The following INTS6 variants were observed in gnomAD, a reference collection of about 807,000 sequenced individuals.
The protein encoded by INTS6 is DEAD box protein.
In INTS6, 16 loss-of-function variants were observed where a neutral mutation model predicts 104.9. The observed-to-expected ratio is 0.15, with a 90% confidence interval of 0.10 to 0.23. The LOEUF (loss-of-function observed/expected upper bound fraction) is 0.23, where lower values mean the gene tolerates loss of function less well. Ranked by LOEUF, INTS6 falls within the 10% of genes least tolerant of loss-of-function variation. The pLI, the probability that INTS6 is intolerant of heterozygous loss-of-function variation, is 1.00. For missense variants in INTS6, 584 were observed against 1,062.8 expected (o/e 0.55, Z 6.26); for synonymous variants, 324 against 358.7 (o/e 0.90, Z 1.09).
At chr13:51,426,786 A>G (rs1956992741) in intron 4 of INTS6, among the ~76,000 whole-genome samples, 1 of 152,130 alleles carries the variant, frequency 6.6e-6, no homozygotes, top group Non-Finnish European at 1.5e-5. Flanking sequence ...GTAGACAAAT[A>G]AGAAATCAGA....
chr13:51,344,565 C>A, the INTS6 span: 2 of 1,168,724 alleles, frequency 1.7e-6, no homozygotes, highest in Non-Finnish European at 2.5e-6. Flanking sequence ...TTGTCAGAGG[C>A]CATGGTGCTC....
At chr13:51,448,882 G>A (rs539769397) in intron 3 of INTS6, 1 of 152,224 alleles carries the variant, frequency 6.6e-6, no homozygotes, top group East Asian at 1.9e-4. Context: ...AGACATTGAA[G>A]TTACAAAATA....
At chr13:51,348,760 G>A in the INTS6 span, 1 of 247,874 alleles carries the variant, frequency 4.0e-6, no homozygotes, top group Admixed American at 5.1e-5. Context: ...TTCCCTTGTA[G>A]GAACGTTGCC....
intron 15 of INTS6, among the ~76,000 whole-genome samples, chr13:51,373,581 T>A (rs978758031): frequency 5.3e-5 from 8 of 152,234 alleles, no homozygotes; most frequent in East Asian, 3.8e-4. Context: ...TGGAATTTTT[T>A]AAATTCCCTT....
chr13:51,418,396 C>A, intron 4 of INTS6, among the ~76,000 whole-genome samples: 1 of 151,790 alleles, frequency 6.6e-6, no homozygotes. Context: ...AGTAAATTTC[C>A]CTTAGGCTAT....
rs367919645 is a variant in INTS6 at position 51,431,618 on chromosome 13, T to C, written c.340-1235A>G. On this transcript the variant is annotated intron_variant, in intron 3 of 17. Coordinates refer to ENST00000311234, the MANE Select transcript of INTS6 (RefSeq NM_012141.3). ...TTGAATGAATTCACAGTTAGTTATA[T>C]GATTATAACCTAATCATCGTAAAGT... is the stretch of plus-strand genomic sequence containing the variant. Among the ~76,000 whole-genome samples the C allele has an allele frequency of 6.6e-5, 10 of 152,310 alleles. No individual in the cohort carries two copies. In the East Asian group the frequency reaches 1.5e-3, roughly 24 times the overall value.
the INTS6 span, among the ~76,000 whole-genome samples, chr13:51,336,988 C>T: frequency 1.3e-5 from 2 of 152,230 alleles, no homozygotes; most frequent in Non-Finnish European, 2.9e-5. Flanking sequence ...CCTGGAAGGA[C>T]AGGTGGAGGC....
chr13:51,378,650 C>T (rs1445478362), intron 11 of INTS6, among the ~76,000 whole-genome samples, 196 bp from the exon 12 acceptor site: 1 of 151,964 alleles, frequency 6.6e-6, no homozygotes, highest in African/African-American at 2.4e-5. Flanking sequence ...GATTTTAAAT[C>T]ATTACAACTC....
intron 4 of INTS6, among the ~76,000 whole-genome samples, chr13:51,403,690 T>C (rs1020584222): frequency 6.6e-6 from 1 of 151,814 alleles, no homozygotes; most frequent in Non-Finnish European, 1.5e-5. Flanking sequence ...ATTCAAATTA[T>C]ATGTATTCTC....
downstream of INTS6, among the ~76,000 whole-genome samples, chr13:51,360,256 T>C (rs576221384): frequency 1.2e-4 from 19 of 152,142 alleles, no homozygotes; most frequent in Admixed American, 1.2e-3. Context: ...ATGCCACAGA[T>C]ACCTCCCAGT....
intron 7 of INTS6, among the ~76,000 whole-genome samples, chr13:51,387,112 GA>G (rs532694220): frequency 2.0e-5 from 3 of 152,140 alleles, no homozygotes; most frequent in Non-Finnish European, 4.4e-5. Context: ...GTCTAAAGAG[GA>G]AATTTTGAAC....
At chr13:51,451,002 T>G in intron 3 of INTS6, 23 bp downstream of exon 3, 1 of 1,480,224 alleles carries the variant, frequency 6.8e-7, no homozygotes, top group Non-Finnish European at 9.0e-7. Context: ...TCAACTATTT[T>G]GCCACCTTAT....
chr13:51,361,024 GAT>G (rs1460452670), downstream of INTS6, among the ~76,000 whole-genome samples: 3 of 151,900 alleles, frequency 2.0e-5, no homozygotes, highest in Non-Finnish European at 4.4e-5. Flanking sequence ...TTTTGGGAGC[GAT>G]TACATATTTT....
At position 51,424,521 on chromosome 13, in the gene INTS6, C is replaced by T. The variant is rs191183529; in HGVS notation, c.429+5773G>A. On this transcript the variant is annotated intron_variant, in intron 4 of 17. Transcript: ENST00000311234. ...ACTAATAATTGCAGATGTATATATT[C>T]CTATAACATACCAGCAGTAATAAAT... 2.1e-3 allele frequency among the ~76,000 whole-genome samples: 312 copies of T among 151,924 alleles called. 3 individuals are homozygous for T. Among genetic ancestry groups the T allele is most frequent in the Non-Finnish European group, 1.8e-3 (123 of 67,868 alleles).
At chr13:51,405,272 C>T (rs1956540523) in intron 4 of INTS6, among the ~76,000 whole-genome samples, 1 of 151,948 alleles carries the variant, frequency 6.6e-6, no homozygotes, top group Non-Finnish European at 1.5e-5. Flanking sequence ...TTAAGAAAGC[C>T]TTTAATCCTT....
chr13:51,412,511 G>A (rs564309548), intron 4 of INTS6, among the ~76,000 whole-genome samples: 8 of 152,114 alleles, frequency 5.3e-5, no homozygotes, highest in Non-Finnish European at 8.8e-5. Flanking sequence ...CTTTCCATGC[G>A]GACACAAAAG....
chr13:51,451,720 G>GCGGCGC (rs1555293044), intron 2 of INTS6: 4 of 192,212 alleles, frequency 2.1e-5, no homozygotes, highest in South Asian at 3.2e-4. Context: ...GTTGATAGCA[G>GCGGCGC]CGCCGCCGCC....
chr13:51,406,444 T>A (rs896957171), intron 4 of INTS6, among the ~76,000 whole-genome samples: 1 of 118,630 alleles, frequency 8.4e-6, no homozygotes, highest in Non-Finnish European at 2.1e-5. Context: ...ACCTCCTCCC[T>A]GTTTCTTACG....
At chr13:51,451,887 C>T (rs1953062247) in intron 2 of INTS6, 91 bp downstream of exon 2, 11 of 690,872 alleles carry the variant, frequency 1.6e-5, no homozygotes, top group Non-Finnish European at 2.0e-5. Context: ...GGGAGGGGAG[C>T]ATAATGAAGG....
Sources: gnomAD v4.1 joint callset for allele counts (sites outside exome capture counted in the v4.1 genomes callset) on GRCh38, gnomAD v4.1.1 for gene constraint, MANE v1.5 for transcripts, NCBI Gene and HGNC (gene_info 2026-07-23, HGNC 2026-07-21) for gene names.